MSANTD7: variants seen among roughly 807,000 people sequenced by gnomAD.
MSANTD7 encodes the protein zinc finger and SCAN domain containing 29.
At chr10:14,843,509 C>T in the MSANTD7 span, 2 of 1,550,664 alleles carry the variant, frequency 1.3e-6, no homozygotes, top group Non-Finnish European at 8.7e-7. Flanking sequence ...AACCGCAGCA[C>T]TCCTGGGGTA....
At chr10:14,845,400 A>G in the MSANTD7 span, 2 of 985,370 alleles carry the variant, frequency 2.0e-6, no homozygotes, top group South Asian at 9.4e-5. Flanking sequence ...ACATAGGTGG[A>G]GAAATGGTCA....
chr10:14,838,519 G>A, the MSANTD7 span: 1 of 1,490,644 alleles, frequency 6.7e-7, no homozygotes. Context: ...TCTGGCGCTG[G>A]GTCATCCACA....
At chr10:14,842,109 C>T in the MSANTD7 span, 3 of 1,501,052 alleles carry the variant, frequency 2.0e-6, no homozygotes, top group African/African-American at 4.1e-5. This position sits in a 1 kb window ranked among gnomAD's most constrained non-coding sequence, Gnocchi z 5.2. Context: ...CTTCCTGTAA[C>T]TCTCATTCCC....
the MSANTD7 span, chr10:14,843,949 C>A: frequency 6.6e-7 from 1 of 1,522,250 alleles, no homozygotes; most frequent in Non-Finnish European, 8.8e-7. Context: ...AGTTCCCAAA[C>A]CTGCCTTCTG....
At chr10:14,842,184 G>A in the MSANTD7 span, 2 of 1,535,154 alleles carry the variant, frequency 1.3e-6, no homozygotes, top group Non-Finnish European at 1.7e-6. This position sits in a 1 kb window ranked among gnomAD's most constrained non-coding sequence, Gnocchi z 5.2. Context: ...CCCTGAGAGG[G>A]AAGATCCTGG....
the MSANTD7 span, chr10:14,842,383 C>A: frequency 6.5e-7 from 1 of 1,536,168 alleles, no homozygotes; most frequent in Non-Finnish European, 8.7e-7. The surrounding 1 kb of genome is among the most constrained non-coding windows in gnomAD (Gnocchi z 5.2). Context: ...TTCAGCGCCT[C>A]CAGACTGTGC....
chr10:14,838,317 C>T, the MSANTD7 span: 4 of 1,351,450 alleles, frequency 3.0e-6, no homozygotes, highest in Non-Finnish European at 4.1e-6. Flanking sequence ...TGAAGCTCCG[C>T]GGTGCCTGAT....
the MSANTD7 span, chr10:14,844,146 A>C: frequency 7.6e-7 from 1 of 1,312,822 alleles, no homozygotes; most frequent in Non-Finnish European, 9.7e-7. Flanking sequence ...GGTTCATCCT[A>C]GCTTTGTCAC....
chr10:14,842,060 T>C, the MSANTD7 span: 1 of 1,092,378 alleles, frequency 9.2e-7, no homozygotes, highest in Non-Finnish European at 1.3e-6. This position sits in a 1 kb window ranked among gnomAD's most constrained non-coding sequence, Gnocchi z 5.2. Context: ...TACTCACAGG[T>C]AGCACCACTT....
chr10:14,838,553 G>A, the MSANTD7 span: 4 of 1,251,582 alleles, frequency 3.2e-6, no homozygotes, highest in African/African-American at 1.5e-5. Flanking sequence ...CGTGTCGCCG[G>A]CCTAGGGATG....
chr10:14,845,133 A>G, the MSANTD7 span: 2 of 985,144 alleles, frequency 2.0e-6, no homozygotes, highest in Non-Finnish European at 2.4e-6. Context: ...CCCCAGACAC[A>G]CACTGGGGAG....
the MSANTD7 span, among the ~76,000 whole-genome samples, chr10:14,838,803 G>A: frequency 2.6e-5 from 4 of 152,204 alleles, no homozygotes; most frequent in Admixed American, 6.5e-5. Flanking sequence ...GTCCCGGGGG[G>A]TCCCGGGGAC....
At chr10:14,840,036 A>C in the MSANTD7 span, 222 of 1,329,890 alleles carry the variant, frequency 1.7e-4, 3 homozygotes, top group South Asian at 2.9e-3. Flanking sequence ...AATTACATAC[A>C]TTGTAATATA....
At chr10:14,846,997 G>A in the MSANTD7 span, 1 of 985,412 alleles carries the variant, frequency 1.0e-6, no homozygotes, top group Non-Finnish European at 1.2e-6. Flanking sequence ...TCACTTGTAT[G>A]TAGTTGTGGG....
chr10:14,841,699 C>G, the MSANTD7 span, among the ~76,000 whole-genome samples: 1 of 152,202 alleles, frequency 6.6e-6, no homozygotes, highest in Non-Finnish European at 1.5e-5. Context: ...TTTGTATTAG[C>G]AGAGCAACTT....
the MSANTD7 span, chr10:14,845,601 T>A: frequency 6.6e-3 from 5,632 of 858,484 alleles, 207 homozygotes; most frequent in African/African-American, 0.097. Flanking sequence ...TATTATTATT[T>A]TTTTTTTTTT....
the MSANTD7 span, chr10:14,842,618 A>T: frequency 6.5e-7 from 1 of 1,536,174 alleles, no homozygotes. This position sits in a 1 kb window ranked among gnomAD's most constrained non-coding sequence, Gnocchi z 5.2. Flanking sequence ...AGACAACTTA[A>T]TGGAGGATGC....
At chr10:14,843,942 T>TC in the MSANTD7 span, 1 of 1,525,898 alleles carries the variant, frequency 6.6e-7, no homozygotes, top group Non-Finnish European at 8.7e-7. Context: ...GAAGTCTAGT[T>TC]CCCAAACCTG....
At chr10:14,844,871 T>A in the MSANTD7 span, 1 of 985,320 alleles carries the variant, frequency 1.0e-6, no homozygotes. Context: ...TTTCATTCTT[T>A]TCTGTTATTT....
Sources: allele counts gnomAD v4.1 joint callset (sites outside exome capture counted in the v4.1 genomes callset), GRCh38; gene constraint gnomAD v4.1.1; non-coding constraint Gnocchi (gnomAD v3.1); transcripts MANE v1.5; gene names NCBI Gene and HGNC (gene_info 2026-07-23, HGNC 2026-07-21).